Variants in PKHD1 observed in about 807,000 individuals in gnomAD.
PKHD1 encodes fibrocystin.
In PKHD1, 291 loss-of-function variants were observed where a neutral mutation model predicts 412.0. That is an observed-to-expected ratio of 0.71 (90% CI 0.64 to 0.78). The LOEUF is 0.78. PKHD1 is among the 30% of genes least tolerant of loss of function. The pLI is 0.00. For missense variants in PKHD1, 4,825 were observed against 4,950.7 expected (o/e 0.97, Z 0.76); for synonymous variants, 1,777 against 1,821.5 (o/e 0.98, Z 0.62).
intron 35 of PKHD1, among the ~76,000 whole-genome samples, chr6:51,992,904 T>C (rs1161830034): frequency 6.6e-6 from 1 of 152,176 alleles, no homozygotes; most frequent in Non-Finnish European, 1.5e-5. Flanking sequence ...AGGGTCCTGG[T>C]TCAAACCTTC....
chr6:51,912,555 A>G lies in PKHD1; in HGVS notation c.6143T>C (p.Val2048Ala), dbSNP rs1283289447. Reference protein sequence around the residue: ...SLHGSLPEVIVTCLRATAHAL... With the variant: ...SLHGSLPEVIATCLRATAHAL... ...ATGGGCAGTTGCTCTAAGACAGGTGACAATTACTTCTGGTAGTGAACCTAA... is the reference window on the plus strand; with the variant it reads ...ATGGGCAGTTGCTCTAAGACAGGTGGCAATTACTTCTGGTAGTGAACCTAA... Residue 2048 changes from valine (V) to alanine (A), a missense_variant, in exon 38 of 67, where the codon GTC becomes GCC. Coordinates refer to ENST00000371117, the MANE Select transcript of PKHD1 (RefSeq NM_138694.4). The G allele has an allele frequency of 8.1e-6, 13 of 1,612,590 alleles. No individual in the cohort carries two copies. Among genetic ancestry groups the G allele is most frequent in the Non-Finnish European group, 1.1e-5 (13 of 1,178,948 alleles).
rs1357169440 is a variant in PKHD1, at chr6:52,070,414, G to A, written c.699C>T (p.Asn233=). Reference sequence around the variant, plus strand: ...TATACCCAGTTACTTACTTTCCTTTGTTAAATACTGAGAAGCTAACATTCT... The same window carrying A: ...TATACCCAGTTACTTACTTTCCTTTATTAAATACTGAGAAGCTAACATTCT... The part of the protein sequence containing the change: ...GSQNVSFSVF[N]KGKSMVHKKA... The change falls in exon 10 of 67, where the codon AAC becomes AAT. Residue 233 remains asparagine (N), a synonymous_variant. Coordinates refer to ENST00000371117, the MANE Select transcript of PKHD1 (RefSeq NM_138694.4). 6.2e-7 allele frequency: 1 copy of A among 1,606,840 alleles called. No homozygotes were observed. The highest frequency in any genetic ancestry group is 1.1e-5 in the South Asian group (1 of 90,926).
At chr6:51,797,304 A>G (rs575036327) in intron 52 of PKHD1, among the ~76,000 whole-genome samples, 13 of 152,256 alleles carry the variant, frequency 8.5e-5, no homozygotes, top group Middle Eastern at 3.4e-3. Context: ...GTCTATAGAT[A>G]TCTATCAGGC....
chr6:51,967,678 A>G (rs1457894584), intron 35 of PKHD1, among the ~76,000 whole-genome samples: 2 of 137,718 alleles, frequency 1.5e-5, no homozygotes, highest in Admixed American at 7.2e-5. Context: ...GTGTGTGTGT[A>G]TGCCACTCAC....
chr6:51,626,893 G>T, intron 66 of PKHD1, 104 bp downstream of exon 66: 3 of 1,171,602 alleles, frequency 2.6e-6, no homozygotes, highest in South Asian at 1.2e-5. Context: ...CTAAGAAGGG[G>T]CTATAAACCA....
chr6:51,774,249 C>A lies in PKHD1; in HGVS notation c.8555-1460G>T, dbSNP rs115814246. Among the ~76,000 whole-genome samples, 317 of 151,976 alleles carry A rather than the reference C, an allele frequency of 2.1e-3. 1 individual carries two copies. Among genetic ancestry groups the A allele is most frequent in the African/African-American group, 4.8e-3 (201 of 41,510 alleles). ...CAAGAAGATTACAAATGATTTAATA[C>A]GATTAAAATTTGTCATCTACTTATG... On this transcript the variant is annotated intron_variant, in intron 54 of 66. Coordinates refer to ENST00000371117, the MANE Select transcript of PKHD1 (RefSeq NM_138694.4).
At chr6:51,650,937 G>A (rs1770856305) in intron 61 of PKHD1, among the ~76,000 whole-genome samples, 1 of 152,074 alleles carries the variant, frequency 6.6e-6, no homozygotes. Flanking sequence ...GTGGGTTCCA[G>A]GTTATTAGAA....
chr6:51,785,641 C>A (rs1792734578), intron 53 of PKHD1, among the ~76,000 whole-genome samples: 1 of 152,102 alleles, frequency 6.6e-6, no homozygotes, highest in Admixed American at 6.6e-5. Context: ...TTGTAAATTG[C>A]CTCTTTTGTT....
rs191502080 is a variant in PKHD1 at position 51,709,697 on chromosome 6, T to C, written c.10156+34688A>G. Among the ~76,000 whole-genome samples the C allele has an allele frequency of 1.7e-4, 26 of 152,364 alleles. 3 individuals carry two copies. The East Asian group carries it at 3.3e-3, about 19-fold the overall frequency. ...TTGTTCACTGACGTAAAGGTTTTCC[T>C]ATGATTTTTAACATGGTCATTGTGT... On this transcript the variant is annotated intron_variant, in intron 60 of 66. Transcript: ENST00000371117.
At chr6:51,743,809 TA>T (rs1167030472) in intron 60 of PKHD1, among the ~76,000 whole-genome samples, 1 of 151,964 alleles carries the variant, frequency 6.6e-6, no homozygotes, top group South Asian at 2.1e-4. Flanking sequence ...TTAGTGGAAA[TA>T]AAAAGACAAT....
intron 60 of PKHD1, among the ~76,000 whole-genome samples, chr6:51,700,905 T>C (rs192330999): frequency 5.5e-4 from 84 of 152,214 alleles, no homozygotes; most frequent in Non-Finnish European, 1.0e-3. Flanking sequence ...CCCTAATTGA[T>C]TGCATACAGT....
At chr6:51,948,433 C>T (rs1265841041) in intron 36 of PKHD1, among the ~76,000 whole-genome samples, 1 of 152,212 alleles carries the variant, frequency 6.6e-6, no homozygotes, top group Non-Finnish European at 1.5e-5. Context: ...CCAATATCCC[C>T]AACTACCACC....
intron 60 of PKHD1, among the ~76,000 whole-genome samples, chr6:51,664,928 A>G (rs935000998): frequency 5.3e-5 from 8 of 152,128 alleles, no homozygotes; most frequent in Non-Finnish European, 1.2e-4. Context: ...GTATCTTCTT[A>G]TTTAAATAAA....
At chr6:51,686,947 A>G (rs1371771599) in intron 60 of PKHD1, among the ~76,000 whole-genome samples, 1 of 152,208 alleles carries the variant, frequency 6.6e-6, no homozygotes, top group Non-Finnish European at 1.5e-5. Flanking sequence ...TGTCTTTCAG[A>G]GGCCAGATAT....
At chr6:51,866,229 C>T (rs1775050165) in intron 48 of PKHD1, among the ~76,000 whole-genome samples, 1 of 152,094 alleles carries the variant, frequency 6.6e-6, no homozygotes, top group East Asian at 1.9e-4. Flanking sequence ...ACCTGTGAGT[C>T]AACCTGAAAA....
chr6:51,827,122 C>T (rs1240623352), intron 52 of PKHD1, among the ~76,000 whole-genome samples: 2 of 152,040 alleles, frequency 1.3e-5, no homozygotes, highest in South Asian at 2.1e-4. Context: ...CCATTAAAAT[C>T]GTATTATGTA....
At chr6:52,035,365 T>A (rs190946356) in intron 28 of PKHD1, among the ~76,000 whole-genome samples, 45 of 152,344 alleles carry the variant, frequency 3.0e-4, no homozygotes, top group Non-Finnish European at 4.6e-4. Context: ...CAGAACTGCC[T>A]GGTTGTCTTC....
intron 35 of PKHD1, among the ~76,000 whole-genome samples, chr6:51,984,432 A>G (rs1201520426): frequency 1.3e-5 from 2 of 152,252 alleles, no homozygotes; most frequent in African/African-American, 4.8e-5. Context: ...TTGAGTCTGA[A>G]AGAAAAGCAT....
intron 3 of PKHD1, among the ~76,000 whole-genome samples, chr6:52,082,858 A>T (rs575852630): frequency 2.8e-4 from 42 of 152,270 alleles, no homozygotes; most frequent in African/African-American, 8.9e-4. Context: ...GTCTTTAAGG[A>T]AGATAGCCAA....
Sources: gnomAD v4.1 joint callset for allele counts (sites outside exome capture counted in the v4.1 genomes callset) on GRCh38, gnomAD v4.1.1 for gene constraint, MANE v1.5 for transcripts, NCBI Gene and HGNC (gene_info 2026-07-23, HGNC 2026-07-21) for gene names.